Variants in PPARGC1A observed in about 807,000 individuals in gnomAD.
PPARGC1A encodes PPARG coactivator 1 alpha.
A neutral mutation model predicts 88.7 loss-of-function variants in PPARGC1A; 25 were observed. That is an observed-to-expected ratio of 0.28 (90% CI 0.21 to 0.39). The LOEUF is 0.39. Among genes scored for constraint, PPARGC1A ranks in the 10% least tolerant of loss-of-function variants. The pLI is 1.00. For missense variants in PPARGC1A, 880 were observed against 968.7 expected (o/e 0.91, Z 1.22); for synonymous variants, 363 against 355.6 (o/e 1.02, Z -0.24).
chr4:24,269,661 T>TATC, the PPARGC1A span, among the ~76,000 whole-genome samples: 6 of 148,840 alleles, frequency 4.0e-5, no homozygotes, highest in African/African-American at 1.2e-4. Flanking sequence ...CACACTTTAT[T>TATC]ATCATCATCA....
chr4:24,118,840 C>T, the PPARGC1A span, among the ~76,000 whole-genome samples: 2 of 151,930 alleles, frequency 1.3e-5, no homozygotes, highest in Non-Finnish European at 2.9e-5. Context: ...TGGAGGTCAA[C>T]ACAATGAAAC....
chr4:24,328,843 A>ACTG, the PPARGC1A span, among the ~76,000 whole-genome samples: 1,006 of 152,304 alleles, frequency 6.6e-3, 14 homozygotes, highest in African/African-American at 0.022. Context: ...TTGGCCATTC[A>ACTG]GTCCATGAAC....
At chr4:24,028,342 C>T in the PPARGC1A span, among the ~76,000 whole-genome samples, 3 of 152,258 alleles carry the variant, frequency 2.0e-5, no homozygotes, top group East Asian at 1.9e-4. Context: ...TTAACTGCAT[C>T]GAATCAAATA....
chr4:23,836,121 A>C (rs561510434), intron 2 of PPARGC1A, among the ~76,000 whole-genome samples: 1 of 152,334 alleles, frequency 6.6e-6, no homozygotes, highest in South Asian at 2.1e-4. Context: ...TTTACAAAAA[A>C]TATATGTCTT....
chr4:24,197,645 G>A, the PPARGC1A span, among the ~76,000 whole-genome samples: 1 of 152,240 alleles, frequency 6.6e-6, no homozygotes, highest in South Asian at 2.1e-4. Flanking sequence ...GTCCAACAAA[G>A]CAATAAATAC....
At chr4:24,338,161 C>A in the PPARGC1A span, among the ~76,000 whole-genome samples, 1 of 152,156 alleles carries the variant, frequency 6.6e-6, no homozygotes, top group African/African-American at 2.4e-5. Flanking sequence ...TAAAGCAATG[C>A]GATCAGAAAT....
chr4:24,434,327 T>G, the PPARGC1A span, among the ~76,000 whole-genome samples: 5 of 152,178 alleles, frequency 3.3e-5, no homozygotes, highest in Admixed American at 2.6e-4. Context: ...TGAGGTAGCT[T>G]TTCATCATGA....
the PPARGC1A span, among the ~76,000 whole-genome samples, chr4:24,472,172 A>G: frequency 6.6e-6 from 1 of 152,282 alleles, no homozygotes; most frequent in East Asian, 1.9e-4. This position sits in a 1 kb window ranked among gnomAD's most constrained non-coding sequence, Gnocchi z 4.5. Context: ...GGAACGCGAC[A>G]GAACCTGGAG....
In PPARGC1A at chr4:23,834,646, A is replaced by C. The variant is rs149085691; in HGVS notation, c.235-2895T>G. On this transcript the variant is annotated intron_variant, in intron 2 of 12. Coordinates refer to ENST00000264867, the MANE Select transcript of PPARGC1A (RefSeq NM_013261.5). ...TAACTGAAGCTTATTGAATACCCTC[A>C]GGCCCTCAGGTAGATTCTTCAATCT... Among the ~76,000 whole-genome samples the C allele has an allele frequency of 6.6e-5, 10 of 152,318 alleles. No homozygotes were observed. The East Asian group carries it at 1.9e-3, about 29-fold the overall frequency.
the PPARGC1A span, among the ~76,000 whole-genome samples, chr4:24,349,678 T>C: frequency 1.9e-4 from 29 of 152,134 alleles, no homozygotes; most frequent in African/African-American, 7.0e-4. Flanking sequence ...CAAGTCTGTT[T>C]CCAGGTAGAG....
At chr4:24,347,927 ATG>A in the PPARGC1A span, among the ~76,000 whole-genome samples, 1 of 151,870 alleles carries the variant, frequency 6.6e-6, no homozygotes, top group Admixed American at 6.6e-5. Flanking sequence ...ATGTGTTTTG[ATG>A]TGTTTCCAGG....
At chr4:24,242,854 C>T in the PPARGC1A span, among the ~76,000 whole-genome samples, 68 of 152,204 alleles carry the variant, frequency 4.5e-4, 1 homozygote, top group Middle Eastern at 3.4e-3. Context: ...CTCACCATCC[C>T]TCCCAGCCTC....
chr4:24,198,564 T>G, the PPARGC1A span, among the ~76,000 whole-genome samples: 1 of 152,184 alleles, frequency 6.6e-6, no homozygotes, highest in Non-Finnish European at 1.5e-5. Context: ...TTACTCTCTT[T>G]TCAGTCAGGT....
chr4:24,042,363 G>T, the PPARGC1A span, among the ~76,000 whole-genome samples: 1 of 152,122 alleles, frequency 6.6e-6, no homozygotes, highest in African/African-American at 2.4e-5. Context: ...CTGCCTAAAT[G>T]CCTTCTCTGT....
chr4:24,139,733 C>T, the PPARGC1A span, among the ~76,000 whole-genome samples: 2 of 152,040 alleles, frequency 1.3e-5, no homozygotes, highest in South Asian at 2.1e-4. Context: ...TTACTTCCTT[C>T]GCACATATTA....
the PPARGC1A span, among the ~76,000 whole-genome samples, chr4:24,017,664 T>A: frequency 6.6e-6 from 1 of 152,150 alleles, no homozygotes; most frequent in Non-Finnish European, 1.5e-5. Flanking sequence ...AAACAGTTTT[T>A]AGCAATCTTT....
the PPARGC1A span, among the ~76,000 whole-genome samples, chr4:24,285,056 A>C: frequency 6.6e-6 from 1 of 151,538 alleles, no homozygotes; most frequent in Non-Finnish European, 1.5e-5. Flanking sequence ...GAAGAAGTTA[A>C]AAAAAATCAT....
At chr4:23,863,344 CT>C (rs1401772672) in intron 2 of PPARGC1A, among the ~76,000 whole-genome samples, 2 of 152,098 alleles carry the variant, frequency 1.3e-5, no homozygotes, top group Non-Finnish European at 2.9e-5. Context: ...CCCATATTGT[CT>C]TTTTTTCTGC....
the PPARGC1A span, among the ~76,000 whole-genome samples, chr4:24,327,730 GTC>G: frequency 6.6e-6 from 1 of 151,872 alleles, no homozygotes. Flanking sequence ...ACATCACCCA[GTC>G]TCTCTCCATA....
Sources: allele counts gnomAD v4.1 joint callset (sites outside exome capture counted in the v4.1 genomes callset), GRCh38; gene constraint gnomAD v4.1.1; non-coding constraint Gnocchi (gnomAD v3.1); transcripts MANE v1.5; gene names NCBI Gene and HGNC (gene_info 2026-07-23, HGNC 2026-07-21).